COL28A1: variants seen among roughly 807,000 people sequenced by gnomAD.
COL28A1 encodes collagen alpha-1(XXVIII) chain.
COL28A1 carries 161 observed loss-of-function variants against 150.2 expected under a neutral mutation model. The observed-to-expected ratio is 1.07, with a 90% CI of 0.94 to 1.22. COL28A1 has a LOEUF of 1.22. COL28A1 is among the 50% of genes most tolerant of loss of function. COL28A1 has a pLI of 0.00. For synonymous variants in COL28A1, 552 were observed against 469.7 expected, an observed-to-expected ratio of 1.18 and a Z score of -2.26; for missense variants, 1,617 against 1,388.3, an observed-to-expected ratio of 1.16 and a Z score of -2.62.
intron 11 of COL28A1, among the ~76,000 whole-genome samples, chr7:7,496,195 C>T (rs894861472): frequency 1.3e-5 from 2 of 152,138 alleles, no homozygotes; most frequent in African/African-American, 4.8e-5. Context: ...TTACAAGTTG[C>T]AACTTTGCAT....
At chr7:7,369,484 A>T (rs1781107307) in intron 33 of COL28A1, among the ~76,000 whole-genome samples, 1 of 152,244 alleles carries the variant, frequency 6.6e-6, no homozygotes, top group South Asian at 2.1e-4. Flanking sequence ...ATGGCCCTTT[A>T]CAGGGTTTGC....
chr7:7,490,438 C>T, intron 12 of COL28A1, 140 bp downstream of exon 12: 2 of 486,768 alleles, frequency 4.1e-6, no homozygotes, highest in East Asian at 3.3e-5. Flanking sequence ...TTTCTGTGTC[C>T]AAGCACATAA....
chr7:7,352,926 C>T (rs978285886), downstream of COL28A1, among the ~76,000 whole-genome samples: 44 of 152,070 alleles, frequency 2.9e-4, no homozygotes, highest in Middle Eastern at 3.4e-3. Flanking sequence ...GAGTGGACCA[C>T]GTAAGGGAAA....
At chr7:7,401,363 A>G (rs761954079) in intron 27 of COL28A1, among the ~76,000 whole-genome samples, 4 of 152,112 alleles carry the variant, frequency 2.6e-5, no homozygotes, top group African/African-American at 7.2e-5. Context: ...AATAAAATTT[A>G]TATCTCTTGT....
chr7:7,535,723 G>C (rs1782605671), intron 1 of COL28A1, 27 bp downstream of exon 1: 2 of 152,150 alleles, frequency 1.3e-5, no homozygotes, highest in Non-Finnish European at 2.9e-5. Context: ...GATTTCAAGT[G>C]ACTAAAATAA....
chr7:7,476,493 T>A (rs6957880), intron 14 of COL28A1, among the ~76,000 whole-genome samples: 41,478 of 152,058 alleles, frequency 0.27, 9,434 homozygotes, highest in African/African-American at 0.63. Flanking sequence ...TCAAGCTACA[T>A]CAGCAGTTAA....
chr7:7,354,586 G>A (rs1031293929), downstream of COL28A1, among the ~76,000 whole-genome samples: 1 of 152,164 alleles, frequency 6.6e-6, no homozygotes, highest in Non-Finnish European at 1.5e-5. Flanking sequence ...GCTTGTGACA[G>A]GCTATTAGTA....
chr7:7,391,962 T>C (rs1013853826), intron 27 of COL28A1, among the ~76,000 whole-genome samples: 4 of 152,220 alleles, frequency 2.6e-5, no homozygotes, highest in African/African-American at 9.7e-5. Context: ...TGTCTTTTAA[T>C]TGGGGCATTT....
At chr7:7,497,969 A>G (rs1350858202) in intron 11 of COL28A1, among the ~76,000 whole-genome samples, 1 of 152,222 alleles carries the variant, frequency 6.6e-6, no homozygotes, top group Non-Finnish European at 1.5e-5. Flanking sequence ...GAGAAAGTCC[A>G]GTCCATATAC....
chr7:7,480,287 T>C (rs1026424303), intron 13 of COL28A1, among the ~76,000 whole-genome samples: 6 of 152,238 alleles, frequency 3.9e-5, no homozygotes, highest in East Asian at 1.9e-4. Flanking sequence ...TTATGCATAC[T>C]GATTTTGTAA....
At chr7:7,528,298 ATTTG>A (rs1326670511) in intron 3 of COL28A1, among the ~76,000 whole-genome samples, 3 of 152,140 alleles carry the variant, frequency 2.0e-5, no homozygotes, top group Non-Finnish European at 2.9e-5. Flanking sequence ...TTTGGAATGA[ATTTG>A]TTTGTTTGGT....
At chr7:7,471,590 C>T (rs929850396) in intron 15 of COL28A1, among the ~76,000 whole-genome samples, 2 of 152,168 alleles carry the variant, frequency 1.3e-5, no homozygotes, top group Non-Finnish European at 2.9e-5. Context: ...AAATGTGATA[C>T]ACCACATGAA....
intron 7 of COL28A1, among the ~76,000 whole-genome samples, chr7:7,516,672 TAATA>T (rs1368425830): frequency 6.6e-6 from 1 of 152,246 alleles, no homozygotes; most frequent in East Asian, 1.9e-4. Context: ...GAAACCTATT[TAATA>T]AATAAGCTAT....
rs149720892 is a variant in COL28A1, at chr7:7,444,090, T to A, written c.1581+328A>T. ...CTTTACAAAGGCCTTATTTCCTGTA[T>A]GCATTTACAGACTTGCCTCTTAGGG... is the stretch of plus-strand genomic sequence containing the variant. On this transcript the variant is annotated intron_variant, in intron 19 of 34. Transcript: ENST00000399429. 1.5e-3 allele frequency among the ~76,000 whole-genome samples: 224 copies of A among 151,122 alleles called. 2 individuals are homozygous for A. The highest frequency in any genetic ancestry group is 5.0e-3 in the African/African-American group (205 of 40,980).
chr7:7,390,501 C>T (rs1036313498), intron 27 of COL28A1, among the ~76,000 whole-genome samples: 5 of 152,092 alleles, frequency 3.3e-5, no homozygotes, highest in African/African-American at 1.2e-4. Context: ...ATAATGCCGG[C>T]CTCATAAAAT....
At chr7:7,480,535 T>G (rs1583471732) in intron 13 of COL28A1, among the ~76,000 whole-genome samples, 1 of 152,050 alleles carries the variant, frequency 6.6e-6, no homozygotes, top group Non-Finnish European at 1.5e-5. Flanking sequence ...CAAGCCAACA[T>G]CACATACTTT....
intron 11 of COL28A1, among the ~76,000 whole-genome samples, chr7:7,499,411 T>C (rs1317458647): frequency 6.6e-6 from 1 of 152,194 alleles, no homozygotes; most frequent in African/African-American, 2.4e-5. Flanking sequence ...CATGTTCAAG[T>C]ACCCTACACT....
chr7:7,508,018 G>C (rs1780910308), intron 9 of COL28A1, among the ~76,000 whole-genome samples: 1 of 152,146 alleles, frequency 6.6e-6, no homozygotes, highest in Admixed American at 6.5e-5. Flanking sequence ...GGATCACGAG[G>C]TCAGGAGATG....
chr7:7,366,911 G>T (rs1312371784), intron 33 of COL28A1, among the ~76,000 whole-genome samples: 1 of 152,228 alleles, frequency 6.6e-6, no homozygotes, highest in African/African-American at 2.4e-5. Flanking sequence ...AAAGGTGGGT[G>T]TGCATGCACA....
Sources: gnomAD v4.1 joint callset for allele counts (sites outside exome capture counted in the v4.1 genomes callset) on GRCh38, gnomAD v4.1.1 for gene constraint, MANE v1.5 for transcripts, NCBI Gene and HGNC (gene_info 2026-07-23, HGNC 2026-07-21) for gene names.